Variants in CHL1 observed in about 807,000 individuals in gnomAD.
The protein encoded by CHL1 is cell adhesion molecule L1 like, also known as neural cell adhesion molecule L1-like protein.
In CHL1, 96 loss-of-function variants were observed where a neutral mutation model predicts 141.9. The observed-to-expected ratio is 0.68, with a 90% CI of 0.57 to 0.80. CHL1 has a LOEUF of 0.80. CHL1 is among the 30% of genes least tolerant of loss of function. The pLI, the probability that CHL1 is intolerant of heterozygous loss-of-function variation, is 0.00. For missense variants in CHL1, 1,820 were observed against 1,457.2 expected, an observed-to-expected ratio of 1.25 and a Z score of -4.05; for synonymous variants, 613 against 502.2, an observed-to-expected ratio of 1.22 and a Z score of -2.95.
chr3:346,280 T>C lies in CHL1; in HGVS notation c.848+1571T>C, dbSNP rs551863122. Among the ~76,000 whole-genome samples the C allele has an allele frequency of 1.7e-3, 262 of 152,344 alleles. 2 individuals are homozygous for C. Among genetic ancestry groups the C allele is most frequent in the African/African-American group, 5.9e-3 (247 of 41,576 alleles). Reference sequence around the variant, plus strand: ...TTACATAAATTAGTTAGAAGTACTATGACACAGACTCTGTTTGGAATGTTT... The same window carrying C: ...TTACATAAATTAGTTAGAAGTACTACGACACAGACTCTGTTTGGAATGTTT... On this transcript the variant is annotated intron_variant, in intron 9 of 27. Transcript: ENST00000256509.
intron 1 of CHL1, among the ~76,000 whole-genome samples, chr3:239,173 G>C (rs188138195): frequency 9.2e-5 from 14 of 152,244 alleles, no homozygotes; most frequent in African/African-American, 2.6e-4. Flanking sequence ...TCAGAACAGT[G>C]ATGTGGCTGC....
chr3:377,900 G>T lies in CHL1; in HGVS notation c.1834G>T (p.Ala612Ser). The T allele has an allele frequency of 6.2e-7, 1 of 1,612,818 alleles. No individual in the cohort carries two copies. The highest frequency in any genetic ancestry group is 8.5e-7 in the Non-Finnish European group (1 of 1,179,372). The change falls in exon 16 of 28, where the codon GCT (alanine) becomes TCT (serine). Residue 612 changes from alanine (A) to serine (S), a missense_variant. Transcript: ENST00000256509. ...TATTTACTGCTGTTCAGCTCATACT[G>T]CTCTAGACAGTGCTGCCGATATAAC... The part of the protein sequence containing the change: ...QGIYCCSAHT[A>S]LDSAADITQV...
In CHL1 at chr3:305,670, G is replaced by T. The variant is rs527681783; in HGVS notation, c.-94-14013G>T. On this transcript the variant is annotated intron_variant, in intron 2 of 27. Coordinates refer to ENST00000256509, the MANE Select transcript of CHL1 (RefSeq NM_006614.4). ...ATATCATTTATATAACAGATATAAG[G>T]CATACTATACATTATATATAATATA... 4.0e-5 allele frequency among the ~76,000 whole-genome samples: 6 copies of T among 150,654 alleles called. No homozygotes were observed. The South Asian group carries it at 1.3e-3, about 32-fold the overall frequency.
intron 2 of CHL1, among the ~76,000 whole-genome samples, chr3:311,087 G>A (rs569380884): frequency 4.3e-4 from 65 of 152,104 alleles, no homozygotes; most frequent in African/African-American, 1.5e-3. Context: ...ATATTCCATT[G>A]TCTGGACACA....
At chr3:213,331 A>C (rs957798715) in intron 1 of CHL1, 1 of 152,188 alleles carries the variant, frequency 6.6e-6, no homozygotes, top group Non-Finnish European at 1.5e-5. Flanking sequence ...GCCTAACTCA[A>C]GAAAAATTCA....
intron 1 of CHL1, among the ~76,000 whole-genome samples, chr3:234,181 A>G (rs1434446790): frequency 1.4e-5 from 2 of 143,354 alleles, no homozygotes; most frequent in Non-Finnish European, 3.1e-5. Flanking sequence ...TATTAGGTAT[A>G]TGTGTGTGTG....
At chr3:289,389 T>C (rs1697457163) in intron 2 of CHL1, among the ~76,000 whole-genome samples, 1 of 152,050 alleles carries the variant, frequency 6.6e-6, no homozygotes, top group South Asian at 2.1e-4. Context: ...TCTGAAAATA[T>C]TAGGTTGTTG....
At chr3:263,796 TGAAA>T (rs561663202) in intron 2 of CHL1, among the ~76,000 whole-genome samples, 175 of 152,360 alleles carry the variant, frequency 1.1e-3, no homozygotes, top group African/African-American at 4.0e-3. Flanking sequence ...TAGGGAATGT[TGAAA>T]GAATGATTTT....
intron 11 of CHL1, among the ~76,000 whole-genome samples, chr3:357,819 A>G (rs1054844824): frequency 4.6e-5 from 7 of 152,218 alleles, no homozygotes; most frequent in African/African-American, 1.4e-4. Flanking sequence ...TTTGTAATGC[A>G]GTGTTAATTC....
chr3:352,779 G>A (rs898857908), intron 10 of CHL1, among the ~76,000 whole-genome samples: 3 of 152,220 alleles, frequency 2.0e-5, no homozygotes, highest in African/African-American at 7.2e-5. Context: ...TTAAGGTAAA[G>A]TATAGTGAGG....
chr3:367,744 G>A (rs931663153), intron 15 of CHL1, among the ~76,000 whole-genome samples: 3 of 152,112 alleles, frequency 2.0e-5, no homozygotes, highest in Non-Finnish European at 4.4e-5. Flanking sequence ...CATGTGCCAT[G>A]ATGGTTTGCT....
intron 2 of CHL1, among the ~76,000 whole-genome samples, chr3:276,844 A>G (rs141167078): frequency 0.025 from 3,554 of 143,948 alleles, 152 homozygotes; most frequent in African/African-American, 0.086. Flanking sequence ...AGCCGAGATC[A>G]TGCCACTGCA....
At chr3:337,500 A>G (rs145167532) in intron 5 of CHL1, among the ~76,000 whole-genome samples, 6,851 of 151,094 alleles carry the variant, frequency 0.045, 590 homozygotes, top group African/African-American at 0.16. Context: ...ATGTCTCCCA[A>G]TGCTATCCCT....
At chr3:348,001 C>A (rs1702909781) in intron 9 of CHL1, among the ~76,000 whole-genome samples, 1 of 152,094 alleles carries the variant, frequency 6.6e-6, no homozygotes, top group Non-Finnish European at 1.5e-5. Flanking sequence ...TTATTTTAAC[C>A]ACAAACTATC....
chr3:327,854 T>G (rs949206971), intron 4 of CHL1, among the ~76,000 whole-genome samples: 11 of 151,942 alleles, frequency 7.2e-5, no homozygotes, highest in African/African-American at 2.7e-4. Flanking sequence ...AAATTATATA[T>G]GTTTCTTGTA....
intron 1 of CHL1, among the ~76,000 whole-genome samples, chr3:243,534 C>G (rs1345499659): frequency 6.6e-6 from 1 of 152,122 alleles, no homozygotes; most frequent in African/African-American, 2.4e-5. Flanking sequence ...GTCACTTGGT[C>G]AACTGGAAAG....
At position 328,208 on chromosome 3, in the gene CHL1, A is replaced by G. The variant is rs574868948; in HGVS notation, c.239A>G (p.Asp80Gly). The part of the protein sequence containing the change: ...TKDGNPFYFT[D>G]HRIIPSNNSG... The stretch of plus-strand genomic sequence containing the variant: ...GATGGCAACCCTTTTTATTTCACTG[A>G]CCATCGGATAATTCCATCGAACAAT... The change falls in exon 5 of 28, where the codon GAC becomes GGC. Residue 80 changes from aspartate (D) to glycine (G), a missense_variant. Coordinates refer to ENST00000256509, the MANE Select transcript of CHL1 (RefSeq NM_006614.4). The G allele has an allele frequency of 6.2e-7, 1 of 1,607,912 alleles. No homozygotes were observed. Among genetic ancestry groups the G allele is most frequent in the Non-Finnish European group, 8.5e-7 (1 of 1,176,542 alleles).
chr3:316,459 G>T (rs76427632), intron 2 of CHL1, among the ~76,000 whole-genome samples: 1 of 151,648 alleles, frequency 6.6e-6, no homozygotes. Context: ...TTTTGAAGTG[G>T]TTGGCAGGGA....
intron 1 of CHL1, chr3:217,706 C>T (rs1700446620): frequency 6.6e-6 from 1 of 152,246 alleles, no homozygotes; most frequent in Admixed American, 6.5e-5. Flanking sequence ...ACAAGGTGAG[C>T]TTAGGGCAGA....
Sources: allele counts gnomAD v4.1 joint callset (sites outside exome capture counted in the v4.1 genomes callset), GRCh38; gene constraint gnomAD v4.1.1; transcripts MANE v1.5; gene names NCBI Gene and HGNC (gene_info 2026-07-23, HGNC 2026-07-21).